DPY19L3: variants seen among roughly 807,000 people sequenced by gnomAD.
DPY19L3 encodes the protein protein C-mannosyl-transferase DPY19L3.
In DPY19L3, 51 loss-of-function variants were observed where a neutral mutation model predicts 92.3. That is an observed-to-expected ratio of 0.55 (90% CI 0.44 to 0.70). DPY19L3 has a LOEUF of 0.70. Ranked by LOEUF, DPY19L3 falls within the 30% of genes least tolerant of loss-of-function variation. DPY19L3 has a pLI of 0.00. For synonymous variants in DPY19L3, 309 were observed against 315.2 expected, an observed-to-expected ratio of 0.98 and a Z score of 0.21; for missense variants, 706 against 855.9, an observed-to-expected ratio of 0.82 and a Z score of 2.18.
chr19:32,431,372 G>A (rs1482790487), intron 3 of DPY19L3, among the ~76,000 whole-genome samples: 8 of 100,880 alleles, frequency 7.9e-5, no homozygotes, highest in African/African-American at 2.2e-4. Context: ...GTGAAACTCC[G>A]TCTCAAAAAA....
At chr19:32,453,357 T>C in intron 9 of DPY19L3, 81 bp downstream of exon 9, 1 of 1,390,836 alleles carries the variant, frequency 7.2e-7, no homozygotes, top group Middle Eastern at 2.6e-4. Context: ...TCACACAGCA[T>C]ACAAAGGGAA....
intron 8 of DPY19L3, among the ~76,000 whole-genome samples, chr19:32,446,530 C>A: frequency 6.6e-6 from 1 of 152,002 alleles, no homozygotes; most frequent in Admixed American, 6.6e-5. Flanking sequence ...GAAAAAGATA[C>A]AACATGCAAG....
At chr19:32,406,923 A>G (rs1967976137) in intron 1 of DPY19L3, among the ~76,000 whole-genome samples, 1 of 151,880 alleles carries the variant, frequency 6.6e-6, no homozygotes, top group African/African-American at 2.4e-5. Flanking sequence ...GACTTTGTTA[A>G]ACACTCCTCT....
At chr19:32,429,021 G>T (rs1296880583) in intron 3 of DPY19L3, among the ~76,000 whole-genome samples, 1 of 151,764 alleles carries the variant, frequency 6.6e-6, no homozygotes, top group Non-Finnish European at 1.5e-5. Context: ...CTAATTTTTT[G>T]TATTTTTAGT....
rs984861520 is a variant in DPY19L3, at chr19:32,427,244, C to G, written c.238-5472C>G. ...TCCTGGGCTTAAGTAATCCACCTAC[C>G]TCGGCCTTCTAAAGTGCTGGGGTTA... On this transcript the variant is annotated intron_variant, in intron 3 of 18. Transcript: ENST00000392250. Among the ~76,000 whole-genome samples, 3 of 152,182 alleles carry G rather than the reference C, an allele frequency of 2.0e-5. No individual in the cohort carries two copies. In the East Asian group the frequency reaches 5.8e-4, roughly 29 times the overall value.
chr19:32,447,459 A>G (rs1255300238), intron 8 of DPY19L3, among the ~76,000 whole-genome samples: 2 of 152,168 alleles, frequency 1.3e-5, no homozygotes, highest in Non-Finnish European at 2.9e-5. Flanking sequence ...GGCTCTGCCT[A>G]TAATCCCAGC....
intron 8 of DPY19L3, among the ~76,000 whole-genome samples, chr19:32,444,785 A>G (rs1969432578): frequency 6.6e-6 from 1 of 151,800 alleles, no homozygotes; most frequent in Non-Finnish European, 1.5e-5. Flanking sequence ...TGAATTCCTC[A>G]TCAAAATCAA....
intron 3 of DPY19L3, among the ~76,000 whole-genome samples, chr19:32,414,280 G>C (rs980038422): frequency 2.6e-5 from 4 of 152,058 alleles, no homozygotes; most frequent in Admixed American, 6.5e-5. Flanking sequence ...AATTACCCGG[G>C]CATGGTGGCG....
Position 32,441,659 on chromosome 19 carries a change from G to A in DPY19L3, c.855+1749G>A, listed in dbSNP as rs185878528. 5.4e-3 allele frequency among the ~76,000 whole-genome samples: 813 copies of A among 151,932 alleles called. 3 individuals are homozygous for A. The highest frequency in any genetic ancestry group is 8.9e-3 in the Non-Finnish European group (604 of 67,960). On this transcript the variant is annotated intron_variant, in intron 8 of 18. Transcript: ENST00000392250. ...AATACAGGTGCATGCCACCACACCCGGCTAATATTTGTATTTTTAGTAGAG... is the reference window on the plus strand; with the variant it reads ...AATACAGGTGCATGCCACCACACCCAGCTAATATTTGTATTTTTAGTAGAG...
intron 10 of DPY19L3, among the ~76,000 whole-genome samples, chr19:32,455,983 C>T (rs577542459): frequency 8.4e-4 from 128 of 152,104 alleles, no homozygotes; most frequent in African/African-American, 2.9e-3. Flanking sequence ...AAAACAGGCT[C>T]CTTCTCCACA....
Position 32,426,911 on chromosome 19 carries a change from G to A in DPY19L3, c.238-5805G>A, listed in dbSNP as rs190161478. ...TAAAAATGCATTATCTGCAAAGGGCGGGAAAGTGAGGCACAGTGAGATGAG... is the reference window on the plus strand; with the variant it reads ...TAAAAATGCATTATCTGCAAAGGGCAGGAAAGTGAGGCACAGTGAGATGAG... On this transcript the variant is annotated intron_variant, in intron 3 of 18. Coordinates refer to ENST00000392250, the MANE Select transcript of DPY19L3 (RefSeq NM_001172774.2). 5.8e-4 allele frequency among the ~76,000 whole-genome samples: 88 copies of A among 152,278 alleles called. 3 individuals carry two copies. In the South Asian group the frequency reaches 0.011, roughly 19 times the overall value.
rs776782588 is a variant in DPY19L3, at chr19:32,453,201, GT to G, written c.918del (p.Phe306LeufsTer4). On this transcript the variant is annotated frameshift_variant, in exon 9 of 19. Coordinates refer to ENST00000392250, the MANE Select transcript of DPY19L3 (RefSeq NM_001172774.2). LOFTEE classifies it high-confidence loss of function. ...GTTTACTCCTGGTCTGCATTCTTCA[GT>G]TTTTTAATTCCATGATTCTTGGATC... ...TSLLLVCILQ[F>X]FNSMILGSLL... 2 of 1,614,036 alleles carry G rather than the reference GT, an allele frequency of 1.2e-6. No individual in the cohort carries two copies. Among genetic ancestry groups the G allele is most frequent in the Non-Finnish European group, 1.7e-6 (2 of 1,179,970 alleles).
At position 32,484,690 on chromosome 19, in the gene DPY19L3, G is replaced by A. The variant is rs531467253; in HGVS notation, c.*2450G>A. ...TGTTCTCTGGTGTTCTCAGCGCTCC[G>A]GCTCCCTCCCTGGAGTTGTGCACCC... On this transcript the variant is annotated 3_prime_UTR_variant, in exon 19 of 19. Coordinates refer to ENST00000392250, the MANE Select transcript of DPY19L3 (RefSeq NM_001172774.2). 3 of 152,242 alleles carry A rather than the reference G, an allele frequency of 2.0e-5. No individual in the cohort carries two copies. Among genetic ancestry groups the A allele is most frequent in the South Asian group, 2.1e-4 (1 of 4,820 alleles). 9.4% of individuals were successfully genotyped at this position (152,242 alleles called of 1,614,324 possible). A position where few individuals can be genotyped will look rare whatever the true frequency, so the allele number is the denominator to read the frequency against.
intron 17 of DPY19L3, 77 bp downstream of exon 17, chr19:32,477,731 G>T: frequency 6.3e-7 from 1 of 1,578,658 alleles, no homozygotes; most frequent in South Asian, 1.1e-5. Flanking sequence ...GGTAAAGATG[G>T]GGCTGAATGC....
At chr19:32,424,911 A>G (rs1032184960) in intron 3 of DPY19L3, among the ~76,000 whole-genome samples, 2 of 152,242 alleles carry the variant, frequency 1.3e-5, no homozygotes, top group African/African-American at 2.4e-5. Flanking sequence ...AAAATTGGGA[A>G]TACAGACATA....
At chr19:32,448,211 G>A (rs1408226682) in intron 8 of DPY19L3, among the ~76,000 whole-genome samples, 2 of 152,152 alleles carry the variant, frequency 1.3e-5, no homozygotes, top group African/African-American at 2.4e-5. Context: ...GGCTGCCTAA[G>A]TTTGAATGAG....
At chr19:32,437,361 T>G (rs199678511) in intron 6 of DPY19L3, 22 bp downstream of exon 6, 81 of 1,579,738 alleles carry the variant, frequency 5.1e-5, no homozygotes, top group East Asian at 2.7e-4. Flanking sequence ...TCAGTATGCT[T>G]CTTTTTTTTC....
chr19:32,462,323 A>G (rs1249151493), intron 12 of DPY19L3, among the ~76,000 whole-genome samples: 4 of 152,218 alleles, frequency 2.6e-5, no homozygotes, highest in South Asian at 4.1e-4. Flanking sequence ...CTCAGGTGGG[A>G]CAGACAGGGA....
intron 16 of DPY19L3, among the ~76,000 whole-genome samples, chr19:32,471,854 A>T (rs1032264754): frequency 6.6e-6 from 1 of 152,208 alleles, no homozygotes; most frequent in African/African-American, 2.4e-5. Context: ...GGTCATACCC[A>T]AGGGATTGGA....
Sources: gnomAD v4.1 joint callset for allele counts (sites outside exome capture counted in the v4.1 genomes callset) on GRCh38, gnomAD v4.1.1 for gene constraint, MANE v1.5 for transcripts, NCBI Gene and HGNC (gene_info 2026-07-23, HGNC 2026-07-21) for gene names.